LYPLA1: variants seen among roughly 807,000 people sequenced by gnomAD.
The protein encoded by LYPLA1 is lysophospholipase 1, also known as acyl-protein thioesterase 1.
LYPLA1 carries 17 observed loss-of-function variants against 34.0 expected under a neutral mutation model. The observed-to-expected ratio is 0.50, with a 90% CI of 0.34 to 0.75. The LOEUF is 0.75. Among genes scored for constraint, LYPLA1 ranks in the 30% least tolerant of loss-of-function variants. The pLI, the probability that LYPLA1 is intolerant of heterozygous loss-of-function variation, is 0.01. For synonymous variants in LYPLA1, 98 were observed against 100.8 expected, an observed-to-expected ratio of 0.97 and a Z score of 0.17; for missense variants, 203 against 288.8, an observed-to-expected ratio of 0.70 and a Z score of 2.15.
chr8:54,101,145 TG>T (rs35405582), intron 1 of LYPLA1, among the ~76,000 whole-genome samples: 1,394 of 134,460 alleles, frequency 0.01, 10 homozygotes, highest in Non-Finnish European at 0.014. Context: ...AGATAATGAA[TG>T]GGGGGGGGGT....
At position 54,085,561 on chromosome 8, in the gene LYPLA1, T is replaced by G. The variant is rs561122540; in HGVS notation, c.101+15347A>C. 2.0e-5 allele frequency among the ~76,000 whole-genome samples: 3 copies of G among 148,232 alleles called. No homozygotes were observed. In the South Asian group the frequency reaches 6.6e-4, roughly 32 times the overall value. ...CGTCTCTGCCCGGCCGCCCATCGTC[T>G]GGGATGTGGGGAGCGCCTCTGCCCT... On this transcript the variant is annotated intron_variant, in intron 2 of 8. Coordinates refer to ENST00000316963, the MANE Select transcript of LYPLA1 (RefSeq NM_006330.4).
Position 54,084,133 on chromosome 8 carries a change from A to AAAAAAAAAAAAAAATTTTT in LYPLA1, c.101+16774_101+16775insAAAAATTTTTTTTTTTTTT, listed in dbSNP as rs1373090573. Among the ~76,000 whole-genome samples, 14 of 120,474 alleles carry AAAAAAAAAAAAAAATTTTT rather than the reference A, an allele frequency of 1.2e-4. 2 individuals carry two copies. Among genetic ancestry groups the AAAAAAAAAAAAAAATTTTT allele is most frequent in the African/African-American group, 5.6e-4 (12 of 21,620 alleles). The allele number at this position is 120,474 out of a possible 152,430, so 79.0% of individuals were successfully genotyped here. A position where few individuals can be genotyped will look rare whatever the true frequency, so the allele number is the denominator to read the frequency against. ...AGCCTGGGAGACCAAAGAAAAAAAA[A>AAAAAAAAAAAAAAATTTTT]ATAAATAAATATATATATATATATA... On this transcript the variant is annotated intron_variant, in intron 2 of 8. Coordinates refer to ENST00000316963, the MANE Select transcript of LYPLA1 (RefSeq NM_006330.4).
rs958996165 is a variant in LYPLA1 at position 54,089,498 on chromosome 8, GGGGC to G, written c.101+11406_101+11409del. Reference sequence around the variant, plus strand: ...CTGTGATTTCAGACATCCCTGGGGGGGGGCGGGATCTTTGAACATATGTGACAAT... The same window carrying G: ...CTGTGATTTCAGACATCCCTGGGGGGGGGATCTTTGAACATATGTGACAAT... On this transcript the variant is annotated intron_variant, in intron 2 of 8. Coordinates refer to ENST00000316963, the MANE Select transcript of LYPLA1 (RefSeq NM_006330.4). Among the ~76,000 whole-genome samples, 86 of 144,902 alleles carry G rather than the reference GGGGC, an allele frequency of 5.9e-4. 10 individuals are homozygous for G. The highest frequency in any genetic ancestry group is 2.3e-3 in the African/African-American group (83 of 35,358).
chr8:54,079,734 G>A (rs1457449459), intron 2 of LYPLA1, among the ~76,000 whole-genome samples: 1 of 152,006 alleles, frequency 6.6e-6, no homozygotes, highest in African/African-American at 2.4e-5. Flanking sequence ...GGCGGAGGGT[G>A]CGGTAAACGG....
intron 2 of LYPLA1, among the ~76,000 whole-genome samples, chr8:54,098,734 A>G (rs775485731): frequency 3.2e-4 from 49 of 152,224 alleles, no homozygotes; most frequent in Admixed American, 1.9e-3. Context: ...TTAAACTTAT[A>G]AAGTATTTCT....
At chr8:54,083,461 A>G (rs1036211198) in intron 2 of LYPLA1, among the ~76,000 whole-genome samples, 1 of 152,210 alleles carries the variant, frequency 6.6e-6, no homozygotes, top group Non-Finnish European at 1.5e-5. Context: ...TTTATGATGA[A>G]TTTATCATGA....
At chr8:54,063,502 A>G (rs1302818085) in intron 3 of LYPLA1, 127 bp from the exon 4 acceptor site, 2 of 680,568 alleles carry the variant, frequency 2.9e-6, no homozygotes, top group Non-Finnish European at 5.1e-6. Context: ...TTAACATATG[A>G]ACTGTTTTAT....
At chr8:54,087,960 C>T (rs186954408) in intron 2 of LYPLA1, among the ~76,000 whole-genome samples, 210 of 152,278 alleles carry the variant, frequency 1.4e-3, no homozygotes, top group African/African-American at 3.7e-3. Flanking sequence ...TTGGCTGGAA[C>T]GGGACCTCAC....
intron 8 of LYPLA1, among the ~76,000 whole-genome samples, chr8:54,050,072 T>A (rs1012704540): frequency 6.6e-6 from 1 of 152,208 alleles, no homozygotes; most frequent in African/African-American, 2.4e-5. Context: ...TTTCTTATAA[T>A]GCTTTCTCAA....
At chr8:54,089,258 T>C (rs188586801) in intron 2 of LYPLA1, among the ~76,000 whole-genome samples, 2 of 152,326 alleles carry the variant, frequency 1.3e-5, no homozygotes, top group East Asian at 3.9e-4. Flanking sequence ...ACAGTTTTGC[T>C]TTCTGTGGAT....
At chr8:54,066,501 C>T (rs959261579) in intron 2 of LYPLA1, among the ~76,000 whole-genome samples, 2 of 152,044 alleles carry the variant, frequency 1.3e-5, no homozygotes, top group East Asian at 3.9e-4. Context: ...AAAGCCTTGG[C>T]CGGGTGCAGT....
At chr8:54,096,286 A>G (rs1330255383) in intron 2 of LYPLA1, among the ~76,000 whole-genome samples, 1 of 152,236 alleles carries the variant, frequency 6.6e-6, no homozygotes, top group African/African-American at 2.4e-5. Context: ...ATAACAGAAT[A>G]GAACATAACC....
rs971935212 is a variant in LYPLA1 at position 54,101,890 on chromosome 8, C to G, written c.-67G>C. ...CGCCCGGCCGCGGCCCAAGGGCGTG[C>G]GAGCGGCGAGTCCCGGCCGGCCCCA... On this transcript the variant is annotated 5_prime_UTR_variant, in exon 1 of 9. Coordinates refer to ENST00000316963, the MANE Select transcript of LYPLA1 (RefSeq NM_006330.4). 11 of 992,426 alleles carry G rather than the reference C, an allele frequency of 1.1e-5. No homozygotes were observed. Among genetic ancestry groups the G allele is most frequent in the Middle Eastern group, 4.1e-4 (1 of 2,450 alleles). 61.5% of individuals were successfully genotyped at this position (992,426 alleles called of 1,614,324 possible).
intron 2 of LYPLA1, among the ~76,000 whole-genome samples, chr8:54,078,268 A>G (rs1808052579): frequency 6.9e-6 from 1 of 144,376 alleles, no homozygotes. Context: ...AACATTTAAG[A>G]TCTGAATACT....
chr8:54,095,749 C>CTT (rs568630269), intron 2 of LYPLA1, among the ~76,000 whole-genome samples: 57 of 138,718 alleles, frequency 4.1e-4, no homozygotes, highest in African/African-American at 1.1e-3. Flanking sequence ...CTGGCTTACA[C>CTT]TTTTTTTTTT....
intron 2 of LYPLA1, chr8:54,100,113 T>C (rs1387249550): frequency 1.3e-5 from 2 of 152,198 alleles, no homozygotes; most frequent in Non-Finnish European, 2.9e-5. Context: ...TCACAGATTA[T>C]CACCAATTTA....
At chr8:54,072,657 T>C (rs1352001396) in intron 2 of LYPLA1, among the ~76,000 whole-genome samples, 2 of 150,430 alleles carry the variant, frequency 1.3e-5, no homozygotes, top group African/African-American at 2.4e-5. Flanking sequence ...CATTGAAAAG[T>C]AGACAAAAAA....
intron 5 of LYPLA1, among the ~76,000 whole-genome samples, chr8:54,055,845 G>A (rs60672236): frequency 0.13 from 19,084 of 151,712 alleles, 3,185 homozygotes; most frequent in African/African-American, 0.39. Context: ...AGGTTTCACC[G>A]TGTTAGCCAG....
In LYPLA1 at chr8:54,081,724, G is replaced by GTT. The variant is rs1433935289; in HGVS notation, c.102-15913_102-15912dup. 7.5e-3 allele frequency among the ~76,000 whole-genome samples: 1,037 copies of GTT among 138,590 alleles called. 7 individuals are homozygous for GTT. The highest frequency in any genetic ancestry group is 0.022 in the African/African-American group (861 of 38,362). The allele number at this position is 138,590 out of a possible 152,430, so 90.9% of individuals were successfully genotyped here. A position where few individuals can be genotyped will look rare whatever the true frequency, so the allele number is the denominator to read the frequency against. ...ACCACTGCGCCCAGCCTTTCTTTTC[G>GTT]TTTTTTTTTTTTTTGAGACAGAGTT... On this transcript the variant is annotated intron_variant, in intron 2 of 8. Transcript: ENST00000316963.
Sources: allele counts gnomAD v4.1 joint callset (sites outside exome capture counted in the v4.1 genomes callset), GRCh38; gene constraint gnomAD v4.1.1; transcripts MANE v1.5; gene names NCBI Gene and HGNC (gene_info 2026-07-23, HGNC 2026-07-21).